The following GABRB3 variants were observed in gnomAD, a reference collection of about 807,000 sequenced individuals.
GABRB3 encodes the protein gamma-aminobutyric acid receptor subunit beta-3.
In GABRB3, 14 loss-of-function variants were observed where a neutral mutation model predicts 52.1. That is an observed-to-expected ratio of 0.27 (90% confidence interval 0.18 to 0.42). The LOEUF is 0.42. GABRB3 is among the 10% of genes least tolerant of loss of function. GABRB3 has a pLI of 1.00. For missense variants in GABRB3, 307 were observed against 609.1 expected (o/e 0.50, Z 5.22); for synonymous variants, 260 against 232.3 (o/e 1.12, Z -1.08).
intron 6 of GABRB3, among the ~76,000 whole-genome samples, chr15:26,570,439 G>A (rs950251251): frequency 3.9e-5 from 6 of 152,306 alleles, no homozygotes; most frequent in East Asian, 1.9e-4. Context: ...GGCCTTGCGC[G>A]ACTTGGGCAC....
chr15:26,598,936 G>A (rs528685275), intron 4 of GABRB3, among the ~76,000 whole-genome samples: 5 of 152,268 alleles, frequency 3.3e-5, no homozygotes, highest in African/African-American at 7.2e-5. Flanking sequence ...AACCTAGCTC[G>A]AGTTTCTAGA....
intron 3 of GABRB3, among the ~76,000 whole-genome samples, chr15:26,751,318 A>C (rs1595345130): frequency 6.6e-6 from 1 of 152,212 alleles, no homozygotes; most frequent in Non-Finnish European, 1.5e-5. Flanking sequence ...CAACAATTAC[A>C]TTGTAGAAAT....
chr15:26,657,915 T>C (rs1268191190), intron 3 of GABRB3, among the ~76,000 whole-genome samples: 1 of 152,172 alleles, frequency 6.6e-6, no homozygotes, highest in Non-Finnish European at 1.5e-5. Flanking sequence ...ACAAACCCCG[T>C]TCTTACTTGG....
intron 4 of GABRB3, among the ~76,000 whole-genome samples, chr15:26,602,401 A>T (rs954987699): frequency 1.3e-5 from 2 of 152,172 alleles, no homozygotes. Context: ...GCACTATAGA[A>T]CAAAGATGGA....
intron 4 of GABRB3, among the ~76,000 whole-genome samples, chr15:26,607,565 C>T (rs77632941): frequency 0.017 from 2,570 of 149,414 alleles, 82 homozygotes; most frequent in African/African-American, 0.06. Context: ...AAGGGAGACC[C>T]TGTCTAAAAA....
At chr15:26,738,069 G>T (rs77603085) in intron 3 of GABRB3, among the ~76,000 whole-genome samples, 2,495 of 151,686 alleles carry the variant, frequency 0.016, 68 homozygotes, top group African/African-American at 0.058. Context: ...TGTTTTTTTT[G>T]TTGTCGTTGT....
intron 3 of GABRB3, among the ~76,000 whole-genome samples, chr15:26,712,477 G>GA (rs1889330599): frequency 6.6e-6 from 1 of 152,116 alleles, no homozygotes; most frequent in Admixed American, 6.5e-5. Flanking sequence ...GTGGTGAGGG[G>GA]GGGTTCAATC....
chr15:26,744,432 CT>C (rs899818795), intron 3 of GABRB3, among the ~76,000 whole-genome samples: 24 of 143,260 alleles, frequency 1.7e-4, no homozygotes, highest in South Asian at 6.8e-4. Context: ...TAACAGAAAA[CT>C]TTTTTTTTTT....
chr15:26,572,331 C>T (rs1376385692), intron 6 of GABRB3, among the ~76,000 whole-genome samples: 1 of 152,170 alleles, frequency 6.6e-6, no homozygotes, highest in Non-Finnish European at 1.5e-5. Flanking sequence ...AGAGGTTTCA[C>T]ATTGTATGCA....
rs375333997 is a variant in GABRB3, at chr15:26,615,748, C to T, written c.461+5566G>A. 85 of 1,120,482 alleles carry T rather than the reference C, an allele frequency of 7.6e-5. No individual in the cohort carries two copies. In the African/African-American group the frequency reaches 1.2e-3, roughly 15 times the overall value. The allele number at this position is 1,120,482 out of a possible 1,614,324, so 69.4% of individuals were successfully genotyped here. On this transcript the variant is annotated intron_variant, in intron 4 of 8. Transcript: ENST00000311550. The stretch of plus-strand genomic sequence containing the variant: ...GGCTGGGCATGAATAACAAAAGAAG[C>T]GTAGAGGAGCTAAGTGGCGACTGAC...
At chr15:26,593,158 C>T (rs1891268120) in intron 4 of GABRB3, among the ~76,000 whole-genome samples, 2 of 152,090 alleles carry the variant, frequency 1.3e-5, no homozygotes, top group African/African-American at 4.8e-5. Context: ...CTTGTAAAAC[C>T]TACTCAAAGG....
At chr15:26,657,761 A>G (rs1458115700) in intron 3 of GABRB3, among the ~76,000 whole-genome samples, 2 of 152,196 alleles carry the variant, frequency 1.3e-5, no homozygotes, top group Non-Finnish European at 2.9e-5. Context: ...TGACAGTGAA[A>G]GAAATCTGAC....
At chr15:26,715,037 C>T (rs1163503038) in intron 3 of GABRB3, among the ~76,000 whole-genome samples, 1 of 152,050 alleles carries the variant, frequency 6.6e-6, no homozygotes, top group Admixed American at 6.5e-5. Context: ...AACAAGGTGC[C>T]AGGTAAATAT....
chr15:26,638,539 G>A (rs948838993), intron 3 of GABRB3, among the ~76,000 whole-genome samples: 20 of 152,210 alleles, frequency 1.3e-4, no homozygotes, highest in Non-Finnish European at 2.5e-4. Flanking sequence ...AGACCCCTCT[G>A]AGTGCCAATC....
At chr15:26,770,223 C>T (rs1891109473) in intron 3 of GABRB3, among the ~76,000 whole-genome samples, 1 of 152,122 alleles carries the variant, frequency 6.6e-6, no homozygotes. Context: ...TTCACATCTG[C>T]CCAATAGCCT....
At chr15:26,619,207 A>G (rs1363149328) in intron 4 of GABRB3, among the ~76,000 whole-genome samples, 1 of 151,926 alleles carries the variant, frequency 6.6e-6, no homozygotes, top group East Asian at 1.9e-4. Context: ...TGCTATAAAG[A>G]CACATGCACA....
chr15:26,657,055 T>C (rs1211126829), intron 3 of GABRB3: 1 of 152,220 alleles, frequency 6.6e-6, no homozygotes, highest in African/African-American at 2.4e-5. Context: ...GTCTTTATTA[T>C]GTTCTTAACC....
chr15:26,755,005 C>CTT (rs5811447), intron 3 of GABRB3, among the ~76,000 whole-genome samples: 82,453 of 139,164 alleles, frequency 0.59, 26,112 homozygotes, highest in South Asian at 0.73. Context: ...CCTCTAACAA[C>CTT]TTTTTTTTTT....
At chr15:26,584,672 A>G (rs2140741214) in intron 4 of GABRB3, among the ~76,000 whole-genome samples, 1 of 152,378 alleles carries the variant, frequency 6.6e-6, no homozygotes, top group African/African-American at 2.4e-5. Context: ...CAATACTTCT[A>G]GAAATGTCAA....
Sources: gnomAD v4.1 joint callset for allele counts (sites outside exome capture counted in the v4.1 genomes callset) on GRCh38, gnomAD v4.1.1 for gene constraint, MANE v1.5 for transcripts, NCBI Gene and HGNC (gene_info 2026-07-23, HGNC 2026-07-21) for gene names.